The following C1orf146 variants were observed in gnomAD, a reference collection of about 807,000 sequenced individuals.
C1orf146 encodes the protein chromosome 1 open reading frame 146.
A neutral mutation model predicts 23.0 loss-of-function variants in C1orf146; 22 were observed. That is an observed-to-expected ratio of 0.96 (90% confidence interval 0.68 to 1.36). The LOEUF is 1.36. Among genes scored for constraint, C1orf146 ranks in the 40% most tolerant of loss-of-function variants. The pLI is 0.00. For missense variants in C1orf146, 199 were observed against 206.8 expected (o/e 0.96, Z 0.23); for synonymous variants, 59 against 65.3 (o/e 0.90, Z 0.47).
Position 92,244,339 on chromosome 1 carries a change from C to T in C1orf146, c.283C>T (p.Leu95Phe), listed in dbSNP as rs1169612817. The T allele has an allele frequency of 5.6e-6, 9 of 1,612,942 alleles. No individual in the cohort carries two copies. The Admixed American group carries it at 1.3e-4, about 24-fold the overall frequency. The change falls in exon 4 of 6, where the codon CTC becomes TTC. Residue 95 changes from leucine to phenylalanine, a missense_variant. Leu to Phe is a conservative substitution (Grantham distance 22). Transcript: ENST00000370375. ...TAGTTTTTTGGTTTTGTCTGCTGCC[C>T]TCCATGGGCCTGAAGAATGGAAACT... ...QNSFLVLSAA[L>F]HGPEEWKLMF...
At chr1:92,235,766 A>T (rs1652260449) in intron 2 of C1orf146, among the ~76,000 whole-genome samples, 1 of 152,168 alleles carries the variant, frequency 6.6e-6, no homozygotes, top group Non-Finnish European at 1.5e-5. Flanking sequence ...TAGGTCACTC[A>T]GGACTTGCTT....
intron 1 of C1orf146, among the ~76,000 whole-genome samples, chr1:92,229,670 A>G (rs1652061974): frequency 6.6e-6 from 1 of 152,210 alleles, no homozygotes; most frequent in Admixed American, 6.5e-5. Flanking sequence ...GAAAAGATTG[A>G]TAAATTTGAC....
chr1:92,238,037 C>A (rs1371590206), intron 2 of C1orf146, among the ~76,000 whole-genome samples: 2 of 152,190 alleles, frequency 1.3e-5, no homozygotes, highest in Non-Finnish European at 2.9e-5. Context: ...TCAAGTGATT[C>A]TCCTGCCTCA....
At chr1:92,227,773 A>G (rs971056270) in intron 1 of C1orf146, among the ~76,000 whole-genome samples, 2 of 151,972 alleles carry the variant, frequency 1.3e-5, no homozygotes, top group African/African-American at 4.8e-5. Flanking sequence ...TTGAGAAGTC[A>G]GTTTTCAGTT....
chr1:92,243,406 G>A (rs908104045), intron 3 of C1orf146, among the ~76,000 whole-genome samples: 5 of 152,130 alleles, frequency 3.3e-5, no homozygotes, highest in African/African-American at 1.2e-4. Context: ...GAGTGCAGTG[G>A]TGTGATCTCA....
chr1:92,237,070 C>T (rs944689145), intron 2 of C1orf146, among the ~76,000 whole-genome samples: 3 of 151,260 alleles, frequency 2.0e-5, no homozygotes, highest in African/African-American at 7.3e-5. Flanking sequence ...TCCTGTAGCT[C>T]GTAGTTTGAT....
chr1:92,222,427 A>T (rs1045896268), intron 1 of C1orf146, among the ~76,000 whole-genome samples: 6 of 151,700 alleles, frequency 4.0e-5, no homozygotes, highest in African/African-American at 1.5e-4. Flanking sequence ...TGACACATTT[A>T]TACACCTGTG....
At chr1:92,224,353 GAA>G (rs1296602263) in intron 1 of C1orf146, among the ~76,000 whole-genome samples, 1 of 152,014 alleles carries the variant, frequency 6.6e-6, no homozygotes, top group Non-Finnish European at 1.5e-5. Context: ...CGGCCAGAGA[GAA>G]GTTTTTAACT....
At chr1:92,241,315 G>A (rs1652426283) in intron 2 of C1orf146, among the ~76,000 whole-genome samples, 1 of 151,722 alleles carries the variant, frequency 6.6e-6, no homozygotes, top group South Asian at 2.1e-4. Context: ...AGGCTCAAGT[G>A]ATTCTCCCAC....
At chr1:92,236,831 C>T (rs886675268) in intron 2 of C1orf146, among the ~76,000 whole-genome samples, 1 of 152,118 alleles carries the variant, frequency 6.6e-6, no homozygotes, top group African/African-American at 2.4e-5. Flanking sequence ...TTTCTCTAAA[C>T]TTCCCTTCTC....
At chr1:92,235,962 G>C (rs1199948327) in intron 2 of C1orf146, among the ~76,000 whole-genome samples, 5 of 151,906 alleles carry the variant, frequency 3.3e-5, no homozygotes, top group Non-Finnish European at 7.4e-5. Flanking sequence ...CCATTTGTTT[G>C]GTAGATCTTC....
chr1:92,226,394 C>T (rs769228147), intron 1 of C1orf146, among the ~76,000 whole-genome samples: 2 of 149,392 alleles, frequency 1.3e-5, no homozygotes, highest in Non-Finnish European at 3.0e-5. Flanking sequence ...CATACATGCA[C>T]GCATGCACAC....
chr1:92,233,698 G>A (rs1338773680), intron 2 of C1orf146, among the ~76,000 whole-genome samples: 2 of 152,184 alleles, frequency 1.3e-5, no homozygotes, highest in East Asian at 3.9e-4. Flanking sequence ...AATTACCTTG[G>A]GCAGTATGGC....
At chr1:92,243,349 CT>C (rs1268188118) in intron 3 of C1orf146, among the ~76,000 whole-genome samples, 3 of 151,944 alleles carry the variant, frequency 2.0e-5, no homozygotes, top group Non-Finnish European at 4.4e-5. Context: ...TTATATAATT[CT>C]TTTTTTTATT....
rs750261803 is a variant in C1orf146, at chr1:92,231,399, A to C, written c.-22A>C. 7 of 1,567,738 alleles carry C rather than the reference A, an allele frequency of 4.5e-6. No homozygotes were observed. The South Asian group carries it at 7.0e-5, about 16-fold the overall frequency. On this transcript the variant is annotated 5_prime_UTR_variant, in exon 2 of 6. Transcript: ENST00000370375. ...TTTCTCAGATTGTTGCACCATTAGA[A>C]GCTAGGTTGATCCACAGACAGATGG...
intron 1 of C1orf146, among the ~76,000 whole-genome samples, chr1:92,221,528 T>TG (rs1651818186): frequency 6.6e-6 from 1 of 152,186 alleles, no homozygotes; most frequent in African/African-American, 2.4e-5. Flanking sequence ...TGAAACAACA[T>TG]GCTGTAAGAG....
rs570864973 is a variant in C1orf146 at position 92,220,643 on chromosome 1, T to C, written c.-40+2595T>C. Among the ~76,000 whole-genome samples the C allele has an allele frequency of 1.1e-4, 16 of 152,372 alleles. No homozygotes were observed. In the South Asian group the frequency reaches 2.9e-3, roughly 28 times the overall value. Reference sequence around the variant, plus strand: ...GTCATATATGAAGTCCATTGTTGACTGAACAGTTAATATGCAATGCATGAC... The same window carrying C: ...GTCATATATGAAGTCCATTGTTGACCGAACAGTTAATATGCAATGCATGAC... On this transcript the variant is annotated intron_variant, in intron 1 of 5. Transcript: ENST00000370375.
chr1:92,235,185 C>G (rs1400110371), intron 2 of C1orf146, among the ~76,000 whole-genome samples: 1 of 151,756 alleles, frequency 6.6e-6, no homozygotes, highest in African/African-American at 2.4e-5. Context: ...TTTTCTAGTT[C>G]TTTTAATTGT....
chr1:92,218,267 C>T (rs773098852), intron 1 of C1orf146, among the ~76,000 whole-genome samples: 14 of 152,122 alleles, frequency 9.2e-5, no homozygotes, highest in Admixed American at 4.6e-4. Context: ...AGAAGTCCGT[C>T]ACCCACCTGC....
Sources: gnomAD v4.1 joint callset for allele counts (sites outside exome capture counted in the v4.1 genomes callset) on GRCh38, gnomAD v4.1.1 for gene constraint, MANE v1.5 for transcripts, NCBI Gene and HGNC (gene_info 2026-07-23, HGNC 2026-07-21) for gene names.